The following SLC24A3 variants were observed in gnomAD, a reference collection of about 807,000 sequenced individuals.
The protein encoded by SLC24A3 is sodium/potassium/calcium exchanger 3.
Under a neutral mutation model 75.8 loss-of-function variants are expected in SLC24A3, and 28 were observed. That is an observed-to-expected ratio of 0.37 (90% CI 0.27 to 0.51). The LOEUF (loss-of-function observed/expected upper bound fraction) is 0.51. Among genes scored for constraint, SLC24A3 ranks in the 20% least tolerant of loss-of-function variants. The pLI, the probability that SLC24A3 is intolerant of heterozygous loss-of-function variation, is 0.94. For missense variants in SLC24A3, 663 were observed against 847.8 expected (o/e 0.78, Z 2.71); for synonymous variants, 372 against 334.1 (o/e 1.11, Z -1.24).
At chr20:19,403,684 G>A (rs972534753) in intron 2 of SLC24A3, among the ~76,000 whole-genome samples, 4 of 152,176 alleles carry the variant, frequency 2.6e-5, no homozygotes, top group Admixed American at 2.0e-4. Context: ...AGTTAGTCAC[G>A]CAGAGATGTA....
At chr20:19,290,401 G>A (rs1007123778) in intron 2 of SLC24A3, among the ~76,000 whole-genome samples, 14 of 152,328 alleles carry the variant, frequency 9.2e-5, no homozygotes, top group African/African-American at 3.4e-4. Context: ...AGTGTTAGAA[G>A]ATGGAGCTTT....
At chr20:19,662,426 G>A (rs1190344557) in intron 7 of SLC24A3, among the ~76,000 whole-genome samples, 2 of 152,252 alleles carry the variant, frequency 1.3e-5, no homozygotes, top group South Asian at 2.1e-4. Flanking sequence ...AGACAGCAGC[G>A]GCTAAAGCCG....
chr20:19,653,815 G>C (rs901795418), intron 6 of SLC24A3, among the ~76,000 whole-genome samples: 1 of 152,172 alleles, frequency 6.6e-6, no homozygotes, highest in Non-Finnish European at 1.5e-5. Flanking sequence ...CAGCTCCCCC[G>C]ATGCCCCATT....
At chr20:19,469,574 C>G (rs1987830806) in intron 2 of SLC24A3, among the ~76,000 whole-genome samples, 1 of 152,284 alleles carries the variant, frequency 6.6e-6, no homozygotes, top group South Asian at 2.1e-4. Flanking sequence ...CATCTGAGGA[C>G]ATCCAGTAGA....
intron 2 of SLC24A3, among the ~76,000 whole-genome samples, chr20:19,414,453 C>T (rs141690768): frequency 2.2e-4 from 34 of 152,148 alleles, no homozygotes; most frequent in African/African-American, 5.8e-4. Flanking sequence ...ATCCATTCCA[C>T]GGAATATAGA....
At position 19,579,984 on chromosome 20, in the gene SLC24A3, A is replaced by C; in HGVS notation, c.349-16A>C. The C allele has an allele frequency of 6.2e-7, 1 of 1,604,338 alleles. No individual in the cohort carries two copies. Among genetic ancestry groups the C allele is most frequent in the Non-Finnish European group, 8.5e-7 (1 of 1,171,956 alleles). ...CCTCACTCTAACTTTAACCCCTTTTATCTCCTCTCTTCCAGGCCATATACA... is the reference window on the plus strand; with the variant it reads ...CCTCACTCTAACTTTAACCCCTTTTCTCTCCTCTCTTCCAGGCCATATACA... On this transcript the variant is annotated splice_polypyrimidine_tract_variant and intron_variant, in intron 3 of 16. Coordinates refer to ENST00000328041, the MANE Select transcript of SLC24A3 (RefSeq NM_020689.4).
At chr20:19,275,489 G>C (rs1295903966) in intron 1 of SLC24A3, among the ~76,000 whole-genome samples, 1 of 152,188 alleles carries the variant, frequency 6.6e-6, no homozygotes, top group African/African-American at 2.4e-5. Context: ...CTAGTGTTTG[G>C]GAAGGGTTTG....
Position 19,293,178 on chromosome 20 carries a change from CTCCATTTTAACCACAAA to C in SLC24A3, c.271+12093_271+12109del, listed in dbSNP as rs112823840. Among the ~76,000 whole-genome samples, 55 of 152,256 alleles carry C rather than the reference CTCCATTTTAACCACAAA, an allele frequency of 3.6e-4. 1 individual carries two copies. The highest frequency in any genetic ancestry group is 1.2e-3 in the African/African-American group (51 of 41,550). On this transcript the variant is annotated intron_variant, in intron 2 of 16. Transcript: ENST00000328041. ...AGCAACACAGTTTCCCCACTGCCTG[CTCCATTTTAACCACAAA>C]TACTAGGCCAATTTATTAAATTGAG...
chr20:19,617,963 C>A (rs2122671524), intron 6 of SLC24A3, among the ~76,000 whole-genome samples: 1 of 152,110 alleles, frequency 6.6e-6, no homozygotes, highest in Non-Finnish European at 1.5e-5. Flanking sequence ...TTTAAATGAT[C>A]TCATTTCAGG....
At chr20:19,398,142 G>A (rs968748665) in intron 2 of SLC24A3, among the ~76,000 whole-genome samples, 2 of 151,902 alleles carry the variant, frequency 1.3e-5, no homozygotes, top group African/African-American at 2.4e-5. Flanking sequence ...GATTTTACTT[G>A]TGTGACTTCC....
At chr20:19,651,476 T>A (rs531747647) in intron 6 of SLC24A3, among the ~76,000 whole-genome samples, 1 of 151,494 alleles carries the variant, frequency 6.6e-6, no homozygotes, top group Admixed American at 6.6e-5. Context: ...TCCAGTGTTC[T>A]GAAGATTTAT....
intron 6 of SLC24A3, among the ~76,000 whole-genome samples, chr20:19,590,529 G>A (rs1020150738): frequency 6.6e-6 from 1 of 152,184 alleles, no homozygotes; most frequent in Non-Finnish European, 1.5e-5. Context: ...CAGGGAGGGA[G>A]ATGAAATTGC....
At chr20:19,592,290 TAG>T (rs1410984353) in intron 6 of SLC24A3, among the ~76,000 whole-genome samples, 1 of 152,218 alleles carries the variant, frequency 6.6e-6, no homozygotes, top group African/African-American at 2.4e-5. Context: ...GCCCATTTGT[TAG>T]TCAGGGGTTT....
At chr20:19,243,974 G>A (rs776888088) in intron 1 of SLC24A3, 1 of 152,092 alleles carries the variant, frequency 6.6e-6, no homozygotes, top group South Asian at 2.1e-4. Context: ...TCTTACACTC[G>A]TTACTCAGAG....
At chr20:19,694,508 A>G (rs1176321919) in intron 13 of SLC24A3, 1 of 152,190 alleles carries the variant, frequency 6.6e-6, no homozygotes, top group African/African-American at 2.4e-5. Flanking sequence ...CATTTTTTTA[A>G]AACCCAAGTT....
At chr20:19,710,883 A>G (rs1455629277) in intron 15 of SLC24A3, among the ~76,000 whole-genome samples, 1 of 152,262 alleles carries the variant, frequency 6.6e-6, no homozygotes, top group African/African-American at 2.4e-5. Flanking sequence ...TATGCAAATT[A>G]TGCCTCAATT....
rs1332015711 is a variant in SLC24A3 at position 19,358,480 on chromosome 20, C to A, written c.271+77393C>A. 3.3e-5 allele frequency among the ~76,000 whole-genome samples: 5 copies of A among 152,170 alleles called. No homozygotes were observed. In the South Asian group the frequency reaches 6.2e-4, roughly 19 times the overall value. Reference sequence around the variant, plus strand: ...CCTGACCAAGTCATTAACTGCCCTGCATCTTTCTTGAGCTTTCAAATGGGA... The same window carrying A: ...CCTGACCAAGTCATTAACTGCCCTGAATCTTTCTTGAGCTTTCAAATGGGA... On this transcript the variant is annotated intron_variant, in intron 2 of 16. Transcript: ENST00000328041.
intron 2 of SLC24A3, among the ~76,000 whole-genome samples, chr20:19,345,386 A>G (rs1207238852): frequency 1.3e-5 from 2 of 152,182 alleles, no homozygotes; most frequent in Non-Finnish European, 1.5e-5. Context: ...TATTTTGTGG[A>G]TATCCACAAA....
At chr20:19,430,991 C>T (rs1735092518) in intron 2 of SLC24A3, among the ~76,000 whole-genome samples, 1 of 144,964 alleles carries the variant, frequency 6.9e-6, no homozygotes, top group Non-Finnish European at 1.5e-5. Context: ...CTCTGCCTGC[C>T]CTCAGGACCC....
Sources: allele counts gnomAD v4.1 joint callset (sites outside exome capture counted in the v4.1 genomes callset), GRCh38; gene constraint gnomAD v4.1.1; transcripts MANE v1.5; gene names NCBI Gene and HGNC (gene_info 2026-07-23, HGNC 2026-07-21).